Variants in TUT7 observed in about 807,000 individuals in gnomAD.
TUT7 encodes terminal uridylyltransferase 7.
A neutral mutation model predicts 165.9 loss-of-function variants in TUT7; 33 were observed. That is an observed-to-expected ratio of 0.20 (90% CI 0.15 to 0.27). The LOEUF (loss-of-function observed/expected upper bound fraction) is 0.27, where lower values mean the gene tolerates loss of function less well. Among genes scored for constraint, TUT7 ranks in the 10% least tolerant of loss-of-function variants. The pLI is 1.00. For synonymous variants in TUT7, 552 were observed against 608.1 expected (o/e 0.91, Z 1.36); for missense variants, 1,338 against 1,762.3 (o/e 0.76, Z 4.31).
At chr9:86,306,024 GC>G (rs1827436421) in intron 22 of TUT7, among the ~76,000 whole-genome samples, 1 of 152,144 alleles carries the variant, frequency 6.6e-6, no homozygotes, top group Non-Finnish European at 1.5e-5. Context: ...GGGGTTAAAA[GC>G]ACTATTTCTA....
chr9:86,303,787 C>G (rs1238583560), intron 24 of TUT7, among the ~76,000 whole-genome samples: 1 of 152,172 alleles, frequency 6.6e-6, no homozygotes, highest in Non-Finnish European at 1.5e-5. Context: ...GAGCCTGATC[C>G]TAGACCTGCT....
chr9:86,328,504 T>C lies in TUT7; in HGVS notation c.1456-12A>G. 6.3e-7 allele frequency: 1 copy of C among 1,594,938 alleles called. No individual in the cohort carries two copies. Among genetic ancestry groups the C allele is most frequent in the South Asian group, 1.1e-5 (1 of 87,504 alleles). ...GAGAATCCTTCAATCTAGGAAAAAT[T>C]AGACACATGCTAAAATAAGATAGAA... On this transcript the variant is annotated splice_polypyrimidine_tract_variant and intron_variant, in intron 10 of 26. Transcript: ENST00000375963.
intron 26 of TUT7, among the ~76,000 whole-genome samples, chr9:86,295,924 C>T (rs1330026697): frequency 6.6e-6 from 1 of 151,666 alleles, no homozygotes; most frequent in Non-Finnish European, 1.5e-5. Flanking sequence ...TAGAAAAAAA[C>T]ATTAGTTTTC....
intron 24 of TUT7, among the ~76,000 whole-genome samples, chr9:86,304,345 C>T (rs1301408349): frequency 6.6e-6 from 1 of 152,086 alleles, no homozygotes; most frequent in Non-Finnish European, 1.5e-5. Flanking sequence ...ATTTTTTTGA[C>T]ATAATTTTGC....
At chr9:86,339,343 C>G (rs1010826585) in intron 8 of TUT7, among the ~76,000 whole-genome samples, 1 of 151,960 alleles carries the variant, frequency 6.6e-6, no homozygotes, top group Admixed American at 6.6e-5. Context: ...TGGGTGAAAC[C>G]CTGACTCTAC....
At chr9:86,338,775 G>A in intron 9 of TUT7, 48 bp downstream of exon 9, 1 of 1,488,100 alleles carries the variant, frequency 6.7e-7, no homozygotes, top group Non-Finnish European at 9.0e-7. Flanking sequence ...AAAGCATACT[G>A]CTTATACATA....
At chr9:86,324,526 T>A (rs1030600695) in intron 12 of TUT7, 63 of 152,416 alleles carry the variant, frequency 4.1e-4, no homozygotes, top group Admixed American at 3.7e-3. Context: ...CCACAGAAAC[T>A]GCAGGGGAGG....
chr9:86,300,314 G>A (rs546007528), intron 26 of TUT7, among the ~76,000 whole-genome samples: 60 of 152,214 alleles, frequency 3.9e-4, no homozygotes, highest in African/African-American at 1.4e-3. Flanking sequence ...TAAAATAGAA[G>A]AGAGGTATTC....
At chr9:86,335,901 A>G (rs2044217965) in intron 10 of TUT7, among the ~76,000 whole-genome samples, 1 of 152,190 alleles carries the variant, frequency 6.6e-6, no homozygotes, top group African/African-American at 2.4e-5. Flanking sequence ...AACATGATCC[A>G]ATCAAAATCA....
At chr9:86,319,456 G>T in intron 15 of TUT7, 128 bp downstream of exon 15, 2 of 667,616 alleles carry the variant, frequency 3.0e-6, no homozygotes, top group Non-Finnish European at 4.9e-6. Context: ...GCAGACCAAG[G>T]ACCATCCTGG....
At chr9:86,352,389 T>C (rs1440193947) in intron 2 of TUT7, among the ~76,000 whole-genome samples, 1 of 152,192 alleles carries the variant, frequency 6.6e-6, no homozygotes. Flanking sequence ...CCCTGGAGCA[T>C]ATAGCTACCC....
chr9:86,352,465 A>C, intron 2 of TUT7: 3 of 629,946 alleles, frequency 4.8e-6, no homozygotes, highest in Non-Finnish European at 5.4e-6. Context: ...GGGGCAAAGT[A>C]AACTTTTAAA....
chr9:86,313,675 C>T (rs958583524), intron 17 of TUT7, among the ~76,000 whole-genome samples: 5 of 152,118 alleles, frequency 3.3e-5, no homozygotes, highest in African/African-American at 4.8e-5. Flanking sequence ...TCATTTCACC[C>T]GTTTTATTGA....
At chr9:86,332,207 C>T (rs1263984104) in intron 10 of TUT7, among the ~76,000 whole-genome samples, 1 of 152,132 alleles carries the variant, frequency 6.6e-6, no homozygotes, top group Non-Finnish European at 1.5e-5. Context: ...CAGAGAAATA[C>T]AGATCATTCT....
intron 2 of TUT7, 77 bp downstream of exon 2, chr9:86,352,603 A>ATTTATG: frequency 6.4e-7 from 1 of 1,556,824 alleles, no homozygotes; most frequent in Non-Finnish European, 8.8e-7. Context: ...GCTGAAAATA[A>ATTTATG]CAAAACTCAT....
intron 7 of TUT7, 132 bp downstream of exon 7, chr9:86,340,870 G>A (rs1357305192): frequency 9.3e-6 from 6 of 646,346 alleles, no homozygotes; most frequent in Non-Finnish European, 1.1e-5. Flanking sequence ...ATAATTCATG[G>A]GCATTTGCTT....
At chr9:86,333,228 C>T (rs968109705) in intron 10 of TUT7, among the ~76,000 whole-genome samples, 1 of 152,172 alleles carries the variant, frequency 6.6e-6, no homozygotes, top group Admixed American at 6.5e-5. Context: ...GTTCTTTAAG[C>T]CTTGGCCCCC....
chr9:86,351,863 T>C (rs903505688), intron 2 of TUT7, among the ~76,000 whole-genome samples: 1 of 152,238 alleles, frequency 6.6e-6, no homozygotes, highest in African/African-American at 2.4e-5. Flanking sequence ...GTTTCATTTT[T>C]TCCATCCAAT....
Position 86,352,773 on chromosome 9 carries a change from G to C in TUT7, c.427C>G (p.Gln143Glu). The change falls in exon 2 of 27, where the codon CAA becomes GAA. Residue 143 changes from glutamine to glutamate, a missense_variant. By Grantham distance (29) the Gln-to-Glu change is conservative (BLOSUM62 2). This residue lies in a region of TUT7 where 434 missense variants were observed against 480.8 expected (regional missense o/e 0.90). Coordinates refer to ENST00000375963, the MANE Select transcript of TUT7 (RefSeq NM_024617.4). ...FQENEDGYRW[Q>E]DTRGCRTVRR... Reference sequence around the variant, plus strand: ...ACAGTTCTGCAGCCTCTTGTGTCTTGCCACCTATAACCATCTTCATTTTCT... The same window carrying C: ...ACAGTTCTGCAGCCTCTTGTGTCTTCCCACCTATAACCATCTTCATTTTCT... 1.2e-6 allele frequency: 2 copies of C among 1,614,074 alleles called. No individual in the cohort carries two copies. Among genetic ancestry groups the C allele is most frequent in the South Asian group, 2.2e-5 (2 of 91,082 alleles).
Sources: gnomAD v4.1 joint callset for allele counts (sites outside exome capture counted in the v4.1 genomes callset) on GRCh38, gnomAD v4.1.1 for gene constraint, gnomAD v4.1.1 regional missense constraint, MANE v1.5 for transcripts, NCBI Gene and HGNC (gene_info 2026-07-23, HGNC 2026-07-21) for gene names.